KIF26B: variants seen among roughly 807,000 people sequenced by gnomAD.
KIF26B encodes the protein kinesin family member 26B.
In KIF26B, 63 loss-of-function variants were observed where a neutral mutation model predicts 151.2. That is an observed-to-expected ratio of 0.42 (90% CI 0.34 to 0.51). The LOEUF (loss-of-function observed/expected upper bound fraction) is 0.51, where lower values mean the gene tolerates loss of function less well. Among genes scored for constraint, KIF26B ranks in the 20% least tolerant of loss-of-function variants. The probability of loss-of-function intolerance (pLI) is 0.07; values close to 1 mark genes in which losing one functional copy is unlikely to be tolerated. For missense variants in KIF26B, 2,813 were observed against 2,913.6 expected, an observed-to-expected ratio of 0.97 and a Z score of 0.79; for synonymous variants, 1,357 against 1,262.1, an observed-to-expected ratio of 1.08 and a Z score of -1.59.
At position 245,287,792 on chromosome 1, in the gene KIF26B, C is replaced by T. The variant is rs116408224; in HGVS notation, c.466-79042C>T. ...TGCTGGGATTACAGGCGTGAGGCACCGCGCCCGGCCTGATCTCTTTACTGA... is the reference window on the plus strand; with the variant it reads ...TGCTGGGATTACAGGCGTGAGGCACTGCGCCCGGCCTGATCTCTTTACTGA... On this transcript the variant is annotated intron_variant, in intron 2 of 14. Transcript: ENST00000407071. Among the ~76,000 whole-genome samples, 10 of 152,202 alleles carry T rather than the reference C, an allele frequency of 6.6e-5. No homozygotes were observed. The East Asian group carries it at 9.7e-4, about 15-fold the overall frequency.
chr1:245,186,514 CA>C (rs1196806334), intron 2 of KIF26B, among the ~76,000 whole-genome samples: 5 of 152,178 alleles, frequency 3.3e-5, no homozygotes, highest in Non-Finnish European at 5.9e-5. Context: ...ATTCTGTCGA[CA>C]GTAGCTGTTC....
At chr1:245,539,644 A>G (rs1661560456) in intron 4 of KIF26B, among the ~76,000 whole-genome samples, 1 of 152,032 alleles carries the variant, frequency 6.6e-6, no homozygotes, top group South Asian at 2.1e-4. Context: ...TGATAAGATG[A>G]TCATGGATTT....
rs1234336296 is a variant in KIF26B, at chr1:245,707,461, T to C, written c.*4855T>C. The C allele has an allele frequency of 6.6e-6, 1 of 152,270 alleles. No homozygotes were observed. Among genetic ancestry groups the C allele is most frequent in the South Asian group, 2.1e-4 (1 of 4,838 alleles). 9.4% of individuals were successfully genotyped at this position (152,270 alleles called of 1,614,324 possible). ...TGATTTATGAAGAAGTTCTAATTTA[T>C]TTGTGAACTCAGGATGTTGCTTTAC... On this transcript the variant is annotated 3_prime_UTR_variant, in exon 15 of 15. Coordinates refer to ENST00000407071, the MANE Select transcript of KIF26B (RefSeq NM_018012.4).
At chr1:245,267,656 A>G (rs1670772022) in intron 2 of KIF26B, among the ~76,000 whole-genome samples, 1 of 149,970 alleles carries the variant, frequency 6.7e-6, no homozygotes, top group Non-Finnish European at 1.5e-5. Flanking sequence ...ACACACACAC[A>G]CACACACACA....
intron 2 of KIF26B, among the ~76,000 whole-genome samples, chr1:245,184,050 G>GTTGTTTTTTTTTTTTTTTT (rs1553332271): frequency 4.5e-4 from 9 of 19,804 alleles, no homozygotes; most frequent in East Asian, 1.7e-3. Context: ...GGGAGTTGTT[G>GTTGTTTTTTTTTTTTTTTT]TTTTTTTTTT....
intron 6 of KIF26B, among the ~76,000 whole-genome samples, chr1:245,603,505 T>A (rs1361516885): frequency 6.6e-6 from 1 of 152,206 alleles, no homozygotes; most frequent in Admixed American, 6.5e-5. Flanking sequence ...GCTCTGTGGA[T>A]CTTGGCTGGA....
intron 9 of KIF26B, among the ~76,000 whole-genome samples, chr1:245,642,478 A>G (rs6428940): frequency 0.56 from 83,878 of 149,942 alleles, 23,941 homozygotes; most frequent in African/African-American, 0.67. Flanking sequence ...GGAGAATGGC[A>G]TGAACCCAGG....
intron 9 of KIF26B, among the ~76,000 whole-genome samples, chr1:245,634,499 C>G (rs1174181180): frequency 1.3e-5 from 2 of 152,074 alleles, no homozygotes; most frequent in Admixed American, 1.3e-4. Flanking sequence ...GAGGATATTG[C>G]CTTCTACTTA....
chr1:245,406,220 C>T (rs888917175), intron 3 of KIF26B, among the ~76,000 whole-genome samples: 4 of 152,136 alleles, frequency 2.6e-5, no homozygotes, highest in African/African-American at 2.4e-5. Flanking sequence ...GGAGATGAGT[C>T]GCCCATAGCC....
intron 10 of KIF26B, among the ~76,000 whole-genome samples, chr1:245,648,658 T>C (rs1417183973): frequency 2.6e-5 from 4 of 151,678 alleles, no homozygotes; most frequent in African/African-American, 4.8e-5. Flanking sequence ...AATGAAAGTT[T>C]GTATTAATCG....
At chr1:245,414,193 C>A (rs1674361916) in intron 3 of KIF26B, among the ~76,000 whole-genome samples, 1 of 152,250 alleles carries the variant, frequency 6.6e-6, no homozygotes. Flanking sequence ...CATCCAGAGT[C>A]ATCTTTGTTA....
At chr1:245,639,809 G>T (rs2043869943) in intron 9 of KIF26B, among the ~76,000 whole-genome samples, 1 of 151,662 alleles carries the variant, frequency 6.6e-6, no homozygotes, top group African/African-American at 2.4e-5. Context: ...TTATTCTGTT[G>T]TGGTTAGAAA....
intron 8 of KIF26B, among the ~76,000 whole-genome samples, chr1:245,611,567 C>T (rs575983308): frequency 2.6e-5 from 4 of 152,344 alleles, no homozygotes; most frequent in African/African-American, 9.6e-5. Context: ...AAATAGGTTT[C>T]ATCCAATAAG....
intron 4 of KIF26B, among the ~76,000 whole-genome samples, chr1:245,492,245 G>A (rs910627413): frequency 2.6e-5 from 4 of 152,180 alleles, no homozygotes; most frequent in Admixed American, 6.5e-5. Flanking sequence ...TAAACCCTTC[G>A]GAGTGGTCAG....
chr1:245,301,659 G>A (rs1309502615), intron 2 of KIF26B, among the ~76,000 whole-genome samples: 2 of 152,102 alleles, frequency 1.3e-5, no homozygotes, highest in Admixed American at 6.5e-5. Context: ...TCTGAAGCCC[G>A]CATCAGAGAG....
chr1:245,229,079 G>A (rs538056577), intron 2 of KIF26B, among the ~76,000 whole-genome samples: 1 of 152,270 alleles, frequency 6.6e-6, no homozygotes, highest in African/African-American at 2.4e-5. Flanking sequence ...CGATTCACAT[G>A]TCTCAGCCTC....
At chr1:245,614,022 TATC>T (rs1279429010) in intron 9 of KIF26B, among the ~76,000 whole-genome samples, 1 of 152,160 alleles carries the variant, frequency 6.6e-6, no homozygotes, top group Non-Finnish European at 1.5e-5. Context: ...TTATCCAGGA[TATC>T]GTGGGAATGG....
chr1:245,513,148 C>G (rs1255483767), intron 4 of KIF26B, among the ~76,000 whole-genome samples: 1 of 152,050 alleles, frequency 6.6e-6, no homozygotes, highest in African/African-American at 2.4e-5. Context: ...TCCTCCACAC[C>G]CTCCTCCACC....
intron 1 of KIF26B, 76 bp from the exon 2 acceptor site, chr1:245,156,206 C>A: frequency 1.3e-6 from 2 of 1,491,328 alleles, no homozygotes; most frequent in South Asian, 2.6e-5. Context: ...TACTTGGTGG[C>A]GCACGTATGA....
Sources: allele counts gnomAD v4.1 joint callset (sites outside exome capture counted in the v4.1 genomes callset), GRCh38; gene constraint gnomAD v4.1.1; transcripts MANE v1.5; gene names NCBI Gene and HGNC (gene_info 2026-07-23, HGNC 2026-07-21).